EEPD1: variants seen among roughly 807,000 people sequenced by gnomAD.
EEPD1 encodes endonuclease/exonuclease/phosphatase family domain containing 1.
Under a neutral mutation model 46.3 loss-of-function variants are expected in EEPD1, and 17 were observed. The ratio of observed to expected loss-of-function variants is 0.37; its 90% CI spans 0.25 to 0.55. EEPD1 has a LOEUF of 0.55. Among genes scored for constraint, EEPD1 ranks in the 20% least tolerant of loss-of-function variants. The pLI, the probability that EEPD1 is intolerant of heterozygous loss-of-function variation, is 0.83. For synonymous variants in EEPD1, 313 were observed against 315.6 expected (o/e 0.99, Z 0.09); for missense variants, 673 against 745.6 (o/e 0.90, Z 1.13).
chr7:36,284,050 G>C (rs1335042974), intron 4 of EEPD1, among the ~76,000 whole-genome samples: 1 of 152,188 alleles, frequency 6.6e-6, no homozygotes, highest in Non-Finnish European at 1.5e-5. Context: ...TAGGCACTAG[G>C]ACTCTGCCCC....
chr7:36,178,751 G>T (rs1355671062), intron 2 of EEPD1, among the ~76,000 whole-genome samples: 1 of 152,196 alleles, frequency 6.6e-6, no homozygotes, highest in African/African-American at 2.4e-5. Context: ...CCCTGCACTG[G>T]TGTGGCTTCC....
Position 36,154,541 on chromosome 7 carries a change from G to T in EEPD1, c.217G>T (p.Gly73Cys). The change falls in exon 2 of 8, where the codon GGC becomes TGC. Residue 73 changes from glycine (G) to cysteine (C), a missense_variant. By Grantham distance (159) the Gly-to-Cys change is radical. Transcript: ENST00000242108. This position sits in a 1 kb window ranked among gnomAD's most constrained non-coding sequence, Gnocchi z 4.2. Reference protein sequence around the residue: ...SIVEYREYIGGFKKVEDLALV... With the variant: ...SIVEYREYIGCFKKVEDLALV... ...CGTGGAGTACCGAGAGTATATCGGT[G>T]GCTTCAAGAAGGTGGAGGACCTGGC... is the stretch of plus-strand genomic sequence containing the variant. The T allele has an allele frequency of 6.2e-7, 1 of 1,614,188 alleles. No individual in the cohort carries two copies. Among genetic ancestry groups the T allele is most frequent in the Non-Finnish European group, 8.5e-7 (1 of 1,180,032 alleles).
In EEPD1 at chr7:36,238,998, G is replaced by C. The variant is rs752754260; in HGVS notation, c.892G>C (p.Ala298Pro). The C allele has an allele frequency of 1.9e-6, 3 of 1,610,164 alleles. No individual in the cohort carries two copies. The highest frequency in any genetic ancestry group is 2.5e-6 in the Non-Finnish European group (3 of 1,179,204). Residue 298 changes from alanine to proline, a missense_variant, in exon 3 of 8, where the codon GCT (alanine) becomes CCT (proline). Coordinates refer to ENST00000242108, the MANE Select transcript of EEPD1 (RefSeq NM_030636.3). ...TLLENSIKLL[A>P]VQELLDREAL... is the part of the protein sequence containing the mutation. ...TTTTTCTTACAGCATCAAGCTTCTA[G>C]CTGTGCAAGAACTGCTTGACAGAGA...
intron 2 of EEPD1, among the ~76,000 whole-genome samples, chr7:36,208,529 C>T (rs974844256): frequency 9.9e-5 from 15 of 152,222 alleles, no homozygotes; most frequent in African/African-American, 3.6e-4. Flanking sequence ...AGTGGTTGGG[C>T]ATTGGGGGTG....
intron 2 of EEPD1, among the ~76,000 whole-genome samples, chr7:36,197,516 T>G (rs1051122093): frequency 3.0e-4 from 45 of 152,328 alleles, no homozygotes; most frequent in African/African-American, 9.6e-4. Flanking sequence ...ATGGTTGCCG[T>G]GTCTGTGTAG....
At chr7:36,176,070 G>A (rs1390017534) in intron 2 of EEPD1, among the ~76,000 whole-genome samples, 1 of 152,114 alleles carries the variant, frequency 6.6e-6, no homozygotes, top group Non-Finnish European at 1.5e-5. Flanking sequence ...GGGAACCCTC[G>A]CCCTCCCCTG....
chr7:36,197,172 C>G (rs1244183373), intron 2 of EEPD1, among the ~76,000 whole-genome samples: 1 of 151,470 alleles, frequency 6.6e-6, no homozygotes, highest in Non-Finnish European at 1.5e-5. Flanking sequence ...GCCCCTCCGC[C>G]CGGCTGCCAC....
intron 3 of EEPD1, among the ~76,000 whole-genome samples, chr7:36,244,153 T>A (rs1786600494): frequency 6.6e-6 from 1 of 152,168 alleles, no homozygotes; most frequent in Admixed American, 6.5e-5. Flanking sequence ...TTTACTGTCA[T>A]GCAGCTGAGC....
intron 3 of EEPD1, among the ~76,000 whole-genome samples, chr7:36,279,945 A>G (rs1256967438): frequency 6.6e-6 from 1 of 152,130 alleles, no homozygotes; most frequent in African/African-American, 2.4e-5. Context: ...CCCCCGTGAG[A>G]GAAGACAGGA....
chr7:36,154,852 C>T lies in EEPD1; in HGVS notation c.528C>T (p.Asp176=), dbSNP rs1784798903. ...ATGGGCCCTTTCGCAGCGTTGAGGA[C>T]CTAGTGAGGATGGATGGTATCAATG... The part of the protein sequence containing the change: ...REHGPFRSVE[D]LVRMDGINAA... The change falls in exon 2 of 8, where the codon GAC becomes GAT. Residue 176 remains aspartate (D), a synonymous_variant. Coordinates refer to ENST00000242108, the MANE Select transcript of EEPD1 (RefSeq NM_030636.3). This position sits in a 1 kb window ranked among gnomAD's most constrained non-coding sequence, Gnocchi z 4.2. 6.2e-7 allele frequency: 1 copy of T among 1,614,188 alleles called. No individual in the cohort carries two copies. The highest frequency in any genetic ancestry group is 8.5e-7 in the Non-Finnish European group (1 of 1,180,036).
At chr7:36,208,910 A>G (rs1358029787) in intron 2 of EEPD1, among the ~76,000 whole-genome samples, 2 of 152,342 alleles carry the variant, frequency 1.3e-5, no homozygotes, top group African/African-American at 2.4e-5. Flanking sequence ...AACGGGGTCC[A>G]GCAGTCTGTG....
At chr7:36,209,863 C>T (rs915006991) in intron 2 of EEPD1, among the ~76,000 whole-genome samples, 3 of 152,162 alleles carry the variant, frequency 2.0e-5, no homozygotes, top group Non-Finnish European at 4.4e-5. Flanking sequence ...ACACCACCTC[C>T]AACATTAGGG....
At chr7:36,293,607 T>C (rs1405769447) in intron 6 of EEPD1, among the ~76,000 whole-genome samples, 1 of 152,188 alleles carries the variant, frequency 6.6e-6, no homozygotes, top group Non-Finnish European at 1.5e-5. Flanking sequence ...CACTCTACTT[T>C]TGGGGCTTCC....
At chr7:36,239,866 G>A (rs1333624679) in intron 3 of EEPD1, among the ~76,000 whole-genome samples, 1 of 152,208 alleles carries the variant, frequency 6.6e-6, no homozygotes, top group African/African-American at 2.4e-5. Flanking sequence ...TGTAGCCGCA[G>A]GTGATAATTA....
chr7:36,240,768 A>G (rs1392774346), intron 3 of EEPD1, among the ~76,000 whole-genome samples: 2 of 152,200 alleles, frequency 1.3e-5, no homozygotes, highest in South Asian at 4.1e-4. Flanking sequence ...ACCAGGGACC[A>G]GTTTCCTGGA....
chr7:36,199,018 C>A lies in EEPD1; in HGVS notation c.879-39967C>A, dbSNP rs568495586. 7.9e-5 allele frequency among the ~76,000 whole-genome samples: 12 copies of A among 152,138 alleles called. No homozygotes were observed. In the South Asian group the frequency reaches 1.7e-3, roughly 21 times the overall value. ...TTCTCCTTCTCTAAGGCAGAGCACC[C>A]TAAACATTGCCCACAGGCCCTCAAT... On this transcript the variant is annotated intron_variant, in intron 2 of 7. Coordinates refer to ENST00000242108, the MANE Select transcript of EEPD1 (RefSeq NM_030636.3).
At chr7:36,278,566 T>C (rs1296917124) in intron 3 of EEPD1, among the ~76,000 whole-genome samples, 1 of 152,072 alleles carries the variant, frequency 6.6e-6, no homozygotes, top group African/African-American at 2.4e-5. Flanking sequence ...GAGATTCTGA[T>C]GAGCAACCAG....
intron 4 of EEPD1, among the ~76,000 whole-genome samples, 194 bp downstream of exon 4, chr7:36,281,419 C>T (rs1187442575): frequency 6.6e-6 from 1 of 152,152 alleles, no homozygotes; most frequent in African/African-American, 2.4e-5. Flanking sequence ...GGAATGGACT[C>T]CTGCCAAGAA....
intron 3 of EEPD1, among the ~76,000 whole-genome samples, chr7:36,263,868 G>T (rs1028284344): frequency 5.3e-5 from 8 of 152,190 alleles, no homozygotes; most frequent in African/African-American, 1.9e-4. Context: ...ACACATTCTT[G>T]TCCGGCACTT....
Sources: gnomAD v4.1 joint callset for allele counts (sites outside exome capture counted in the v4.1 genomes callset) on GRCh38, gnomAD v4.1.1 for gene constraint, Gnocchi (gnomAD v3.1) non-coding constraint, MANE v1.5 for transcripts, NCBI Gene and HGNC (gene_info 2026-07-23, HGNC 2026-07-21) for gene names.